Variants in SLIT2 observed in about 807,000 individuals in gnomAD.
SLIT2 encodes the protein slit guidance ligand 2.
In SLIT2, 41 loss-of-function variants were observed where a neutral mutation model predicts 185.7. That is an observed-to-expected ratio of 0.22 (90% confidence interval 0.17 to 0.29). The LOEUF is 0.29. Ranked by LOEUF, SLIT2 falls within the 10% of genes least tolerant of loss-of-function variation. The pLI, the probability that SLIT2 is intolerant of heterozygous loss-of-function variation, is 1.00. For missense variants in SLIT2, 1,571 were observed against 1,909.0 expected (o/e 0.82, Z 3.30); for synonymous variants, 693 against 680.2 (o/e 1.02, Z -0.29).
chr4:20,268,992 AAT>A, intron 4 of SLIT2, 111 bp downstream of exon 4: 1 of 702,286 alleles, frequency 1.4e-6, no homozygotes, highest in Non-Finnish European at 2.6e-6. Context: ...TCAATAGATT[AAT>A]GGATTAAAAG....
At chr4:20,616,115 T>G (rs1228808810) in intron 34 of SLIT2, 1 of 152,262 alleles carries the variant, frequency 6.6e-6, no homozygotes, top group African/African-American at 2.4e-5. Context: ...TCTGATTTCT[T>G]GGACTATGAA....
intron 4 of SLIT2, among the ~76,000 whole-genome samples, chr4:20,390,773 A>T (rs60407659): frequency 0.011 from 1,227 of 111,026 alleles, 14 homozygotes; most frequent in African/African-American, 0.034. Flanking sequence ...TTTTTTTTTA[A>T]AAAAAAATAT....
At chr4:20,592,777 T>A (rs541148628) in intron 30 of SLIT2, among the ~76,000 whole-genome samples, 3 of 152,316 alleles carry the variant, frequency 2.0e-5, no homozygotes, top group African/African-American at 7.2e-5. Flanking sequence ...TCTTTGAGAA[T>A]GTATATGGCC....
intron 34 of SLIT2, among the ~76,000 whole-genome samples, chr4:20,611,899 T>G (rs1479723947): frequency 6.6e-6 from 1 of 152,166 alleles, no homozygotes; most frequent in African/African-American, 2.4e-5. Flanking sequence ...TCTGGCTGAC[T>G]CCAAAGCCAC....
intron 26 of SLIT2, among the ~76,000 whole-genome samples, chr4:20,560,558 T>A (rs1724613166): frequency 1.3e-5 from 2 of 152,084 alleles, no homozygotes; most frequent in South Asian, 4.1e-4. Flanking sequence ...GATTAAGCAG[T>A]CTGCAATAAA....
chr4:20,323,735 TG>T (rs918449252), intron 4 of SLIT2, among the ~76,000 whole-genome samples: 2 of 152,156 alleles, frequency 1.3e-5, no homozygotes, highest in African/African-American at 4.8e-5. Flanking sequence ...AGTCTAAGAT[TG>T]GCTGGCATAG....
chr4:20,387,614 A>C (rs1302909532), intron 4 of SLIT2, among the ~76,000 whole-genome samples: 1 of 152,148 alleles, frequency 6.6e-6, no homozygotes, highest in Non-Finnish European at 1.5e-5. Flanking sequence ...CAGCAGCAAA[A>C]GAGGCCAAAG....
At position 20,617,116 on chromosome 4, in the gene SLIT2, G is replaced by A. The variant is rs1331011448; in HGVS notation, c.4054G>A (p.Ala1352Thr). 6.2e-7 allele frequency: 1 copy of A among 1,611,328 alleles called. No homozygotes were observed. Among genetic ancestry groups the A allele is most frequent in the Admixed American group, 1.7e-5 (1 of 59,994 alleles). ...TGGCACATGCCAGCCCAGCAGCCAG[G>A]CAGGCTTCACCTGCGAGTGCCAGGA... ...AHGTCQPSSQ[A>T]GFTCECQEGW... Residue 1352 changes from alanine to threonine, a missense_variant, in exon 35 of 37, where the codon GCA becomes ACA. Coordinates refer to ENST00000504154, the MANE Select transcript of SLIT2 (RefSeq NM_004787.4).
chr4:20,477,195 ATT>A (rs34247605), intron 5 of SLIT2, among the ~76,000 whole-genome samples: 36 of 141,152 alleles, frequency 2.6e-4, no homozygotes, highest in East Asian at 6.2e-4. Context: ...AGAGATCATG[ATT>A]TTTTTTTTTT....
intron 33 of SLIT2, among the ~76,000 whole-genome samples, chr4:20,599,856 T>C (rs1728276912): frequency 6.6e-6 from 1 of 152,238 alleles, no homozygotes; most frequent in Non-Finnish European, 1.5e-5. Flanking sequence ...TATTCTCATA[T>C]GTATCAATGT....
intron 4 of SLIT2, among the ~76,000 whole-genome samples, chr4:20,310,562 G>C (rs752409310): frequency 6.6e-6 from 1 of 151,986 alleles, no homozygotes; most frequent in Non-Finnish European, 1.5e-5. Flanking sequence ...GTTCAGCATC[G>C]TCCCAGATTT....
At chr4:20,441,880 T>A (rs190465337) in intron 4 of SLIT2, among the ~76,000 whole-genome samples, 1 of 152,292 alleles carries the variant, frequency 6.6e-6, no homozygotes, top group East Asian at 1.9e-4. Context: ...GAAAAAACAT[T>A]ATCTATGTAA....
chr4:20,471,616 G>T (rs1017155821), intron 5 of SLIT2, among the ~76,000 whole-genome samples: 3 of 152,208 alleles, frequency 2.0e-5, no homozygotes, highest in African/African-American at 7.2e-5. Context: ...CTGATGCACT[G>T]TAACAGGTTT....
chr4:20,364,049 T>C (rs985976307), intron 4 of SLIT2, among the ~76,000 whole-genome samples: 81 of 152,224 alleles, frequency 5.3e-4, no homozygotes, highest in African/African-American at 1.9e-3. Flanking sequence ...AGAAAGGCCA[T>C]CTACAATTGA....
At chr4:20,593,266 C>G (rs576126107) in intron 30 of SLIT2, among the ~76,000 whole-genome samples, 1 of 151,932 alleles carries the variant, frequency 6.6e-6, no homozygotes, top group East Asian at 1.9e-4. Flanking sequence ...TTAAATAAAC[C>G]TGTGAGGTGG....
At chr4:20,343,032 T>C (rs906837894) in intron 4 of SLIT2, among the ~76,000 whole-genome samples, 8 of 152,168 alleles carry the variant, frequency 5.3e-5, no homozygotes, top group Non-Finnish European at 1.5e-5. Context: ...CAATAATCAA[T>C]TCAGGGTGTT....
At chr4:20,272,205 GC>G (rs1560272534) in intron 4 of SLIT2, among the ~76,000 whole-genome samples, 1 of 151,442 alleles carries the variant, frequency 6.6e-6, no homozygotes, top group African/African-American at 2.4e-5. Context: ...AAAATTACAA[GC>G]ACTTGTTGAC....
intron 2 of SLIT2, among the ~76,000 whole-genome samples, chr4:20,257,314 G>A (rs1711952413): frequency 6.6e-6 from 1 of 152,010 alleles, no homozygotes; most frequent in South Asian, 2.1e-4. Context: ...TTAGCTGTGA[G>A]TAAACCACCA....
intron 4 of SLIT2, among the ~76,000 whole-genome samples, chr4:20,385,880 C>T (rs1724894734): frequency 6.6e-6 from 1 of 152,062 alleles, no homozygotes; most frequent in Admixed American, 6.6e-5. Flanking sequence ...GCAAATTTTG[C>T]TTATTACTGT....
Sources: allele counts gnomAD v4.1 joint callset (sites outside exome capture counted in the v4.1 genomes callset), GRCh38; gene constraint gnomAD v4.1.1; transcripts MANE v1.5; gene names NCBI Gene and HGNC (gene_info 2026-07-23, HGNC 2026-07-21).